The following RPS6KC1 variants were observed in gnomAD, a reference collection of about 807,000 sequenced individuals.
The protein encoded by RPS6KC1 is ribosomal protein S6 kinase C1, also known as inactive ribosomal protein S6 kinase delta-1.
RPS6KC1 carries 54 observed loss-of-function variants against 103.8 expected under a neutral mutation model. The ratio of observed to expected loss-of-function variants is 0.52; its 90% CI spans 0.42 to 0.65. The LOEUF (loss-of-function observed/expected upper bound fraction) is 0.65. Ranked by LOEUF, RPS6KC1 falls within the 30% of genes least tolerant of loss-of-function variation. The pLI, the probability that RPS6KC1 is intolerant of heterozygous loss-of-function variation, is 0.00. For missense variants in RPS6KC1, 1,151 were observed against 1,253.8 expected (o/e 0.92, Z 1.24); for synonymous variants, 439 against 438.7 (o/e 1.00, Z -0.01).
chr1:213,639,200 A>G, the RPS6KC1 span, among the ~76,000 whole-genome samples: 1 of 152,110 alleles, frequency 6.6e-6, no homozygotes, highest in Admixed American at 6.6e-5. Context: ...ATTGTATCCT[A>G]TAACCTTGCT....
At chr1:213,824,479 C>G in the RPS6KC1 span, among the ~76,000 whole-genome samples, 2 of 152,170 alleles carry the variant, frequency 1.3e-5, no homozygotes, top group African/African-American at 4.8e-5. Flanking sequence ...ATCACATCGC[C>G]TGCACTGCTA....
In RPS6KC1 at chr1:213,167,952, T is replaced by C; in HGVS notation, c.930T>C (p.Pro310=). ...GTATCTCTAGTCTTTATGGGAAACCTCAGCTTGATGATGTATCTCAGGTAT... is the reference window on the plus strand; with the variant it reads ...GTATCTCTAGTCTTTATGGGAAACCCCAGCTTGATGATGTATCTCAGGTAT... ...AESISSLYGK[P]QLDDVSQPPG... is the part of the protein sequence containing the mutation. The change falls in exon 7 of 15, where the codon CCT becomes CCC. Residue 310 remains proline, a synonymous_variant. Coordinates refer to ENST00000366960, the MANE Select transcript of RPS6KC1 (RefSeq NM_012424.6). The C allele has an allele frequency of 6.2e-7, 1 of 1,612,248 alleles. No homozygotes were observed. Among genetic ancestry groups the C allele is most frequent in the Non-Finnish European group, 8.5e-7 (1 of 1,178,532 alleles).
chr1:213,201,718 G>C (rs7543173), intron 8 of RPS6KC1, among the ~76,000 whole-genome samples: 37 of 152,022 alleles, frequency 2.4e-4, no homozygotes, highest in Non-Finnish European at 5.3e-4. Flanking sequence ...CTCACCATTT[G>C]TATGAATCTA....
the RPS6KC1 span, among the ~76,000 whole-genome samples, chr1:213,650,128 C>T: frequency 0.37 from 56,653 of 151,976 alleles, 11,868 homozygotes; most frequent in Non-Finnish European, 0.48. Flanking sequence ...TACATCCAGG[C>T]GCTCCCTATG....
the RPS6KC1 span, among the ~76,000 whole-genome samples, chr1:213,719,191 G>A: frequency 6.6e-6 from 1 of 152,168 alleles, no homozygotes; most frequent in Non-Finnish European, 1.5e-5. Flanking sequence ...GAAATCACTA[G>A]GGATTAAGAA....
chr1:213,796,725 G>C, the RPS6KC1 span, among the ~76,000 whole-genome samples: 5 of 152,054 alleles, frequency 3.3e-5, no homozygotes, highest in Non-Finnish European at 5.9e-5. Flanking sequence ...CTTCCTACTC[G>C]ATCTGCCAAC....
At chr1:213,265,883 A>T (rs776884631) in intron 14 of RPS6KC1, among the ~76,000 whole-genome samples, 1 of 152,198 alleles carries the variant, frequency 6.6e-6, no homozygotes, top group African/African-American at 2.4e-5. Flanking sequence ...TGGATTCTGG[A>T]ATCAGAATGC....
At chr1:213,185,143 T>C (rs796774215) in intron 8 of RPS6KC1, among the ~76,000 whole-genome samples, 89 of 152,336 alleles carry the variant, frequency 5.8e-4, no homozygotes, top group African/African-American at 2.1e-3. Context: ...ATTATGTTTA[T>C]TTTATATGCT....
chr1:213,860,127 A>G, the RPS6KC1 span, among the ~76,000 whole-genome samples: 1 of 151,076 alleles, frequency 6.6e-6, no homozygotes, highest in Non-Finnish European at 1.5e-5. Flanking sequence ...ATATATATAC[A>G]TATGTATCTA....
the RPS6KC1 span, among the ~76,000 whole-genome samples, chr1:213,522,442 T>G: frequency 6.6e-6 from 1 of 152,342 alleles, no homozygotes; most frequent in Non-Finnish European, 1.5e-5. Flanking sequence ...TGGCTTCCAC[T>G]TAAGGTCACC....
At chr1:213,372,757 CATCT>C in the RPS6KC1 span, among the ~76,000 whole-genome samples, 1 of 152,110 alleles carries the variant, frequency 6.6e-6, no homozygotes, top group East Asian at 1.9e-4. Context: ...TGGGACCATC[CATCT>C]ATCGCTCTTT....
the RPS6KC1 span, among the ~76,000 whole-genome samples, chr1:213,282,963 T>C: frequency 6.6e-6 from 1 of 152,220 alleles, no homozygotes; most frequent in South Asian, 2.1e-4. Context: ...TCCTAGGAAG[T>C]TGACTTATTC....
At chr1:213,835,922 C>T in the RPS6KC1 span, 6 of 152,104 alleles carry the variant, frequency 3.9e-5, no homozygotes, top group South Asian at 2.1e-4. Context: ...TATTCTTCCA[C>T]GTGAAGTTTA....
the RPS6KC1 span, among the ~76,000 whole-genome samples, chr1:213,645,974 G>A: frequency 1.3e-5 from 2 of 152,192 alleles, no homozygotes; most frequent in Non-Finnish European, 2.9e-5. Context: ...GGAAACAGTA[G>A]CCCTGGTAAC....
At chr1:213,797,965 G>C in the RPS6KC1 span, among the ~76,000 whole-genome samples, 5 of 152,286 alleles carry the variant, frequency 3.3e-5, no homozygotes, top group African/African-American at 1.2e-4. Context: ...CTCAAGAGAG[G>C]AGGCCTCTGC....
chr1:213,774,597 A>C, the RPS6KC1 span, among the ~76,000 whole-genome samples: 8 of 152,258 alleles, frequency 5.3e-5, no homozygotes, highest in Non-Finnish European at 1.0e-4. Context: ...AAGAGAGTTC[A>C]TGTACATTGA....
At chr1:213,108,687 C>T (rs1333387193) in intron 4 of RPS6KC1, among the ~76,000 whole-genome samples, 1 of 145,086 alleles carries the variant, frequency 6.9e-6, no homozygotes, top group Non-Finnish European at 1.5e-5. Context: ...TGGGGTCTCA[C>T]TTTTTTCACC....
At chr1:213,442,740 G>A in the RPS6KC1 span, among the ~76,000 whole-genome samples, 7 of 152,188 alleles carry the variant, frequency 4.6e-5, no homozygotes, top group Non-Finnish European at 1.0e-4. Context: ...CCATGGGGTT[G>A]TTTCTGTACA....
chr1:213,150,524 C>T (rs1275325368), intron 6 of RPS6KC1, among the ~76,000 whole-genome samples: 1 of 150,546 alleles, frequency 6.6e-6, no homozygotes, highest in Non-Finnish European at 1.5e-5. Context: ...TCTTAACGAG[C>T]ACGCTGCCTT....
Sources: allele counts gnomAD v4.1 joint callset (sites outside exome capture counted in the v4.1 genomes callset), GRCh38; gene constraint gnomAD v4.1.1; transcripts MANE v1.5; gene names NCBI Gene and HGNC (gene_info 2026-07-23, HGNC 2026-07-21).